Variants in THRB observed in about 807,000 individuals in gnomAD.
THRB encodes thyroid hormone receptor beta.
Under a neutral mutation model 47.8 loss-of-function variants are expected in THRB, and 12 were observed. The ratio of observed to expected loss-of-function variants is 0.25; its 90% CI spans 0.16 to 0.41. THRB has a LOEUF of 0.41. Among genes scored for constraint, THRB ranks in the 10% least tolerant of loss-of-function variants. The pLI is 1.00. For missense variants in THRB, 348 were observed against 589.2 expected (o/e 0.59, Z 4.24); for synonymous variants, 218 against 212.2 (o/e 1.03, Z -0.24).
chr3:24,302,734 T>C (rs931810936), intron 2 of THRB, among the ~76,000 whole-genome samples: 1 of 152,204 alleles, frequency 6.6e-6, no homozygotes, highest in Non-Finnish European at 1.5e-5. Context: ...TTTTTCCCCA[T>C]AGCACTTGCC....
rs376259180 is a variant in THRB, at chr3:24,423,679, A to G, written c.-261+70973T>C. 3.4e-4 allele frequency among the ~76,000 whole-genome samples: 51 copies of G among 151,994 alleles called. 2 individuals are homozygous for G. In the East Asian group the frequency reaches 5.5e-3, roughly 16 times the overall value. On this transcript the variant is annotated intron_variant, in intron 1 of 10. Coordinates refer to ENST00000646209, the MANE Select transcript of THRB (RefSeq NM_001354712.2). ...GTCCTGAGCAATTCCAAGGACAGCA[A>G]TAGTACTATACAATTGTCTGTGTAC...
chr3:24,256,577 T>C (rs1431555424), intron 3 of THRB, among the ~76,000 whole-genome samples: 1 of 152,162 alleles, frequency 6.6e-6, no homozygotes, highest in Non-Finnish European at 1.5e-5. Context: ...TAACTCATAC[T>C]GAAAGATCCT....
At chr3:24,325,431 AG>A in intron 2 of THRB, among the ~76,000 whole-genome samples, 2 of 152,390 alleles carry the variant, frequency 1.3e-5, no homozygotes, top group Non-Finnish European at 2.9e-5. Context: ...TTATGCCTGT[AG>A]TCCCAGCACT....
chr3:24,451,738 A>T (rs1024079484), intron 1 of THRB, among the ~76,000 whole-genome samples: 17 of 152,208 alleles, frequency 1.1e-4, no homozygotes, highest in Admixed American at 1.1e-3. Context: ...TCTCCCTGAT[A>T]GTCATTTAGG....
rs186198445 is a variant in THRB at position 24,335,807 on chromosome 3, T to A, written c.-189+1493A>T. ...TTTCAGCATTTATAGAAATCTCTTC[T>A]TAGTTTCCTTATCTGTAAATTGAGG... On this transcript the variant is annotated intron_variant, in intron 2 of 10. Coordinates refer to ENST00000646209, the MANE Select transcript of THRB (RefSeq NM_001354712.2). 3.1e-4 allele frequency among the ~76,000 whole-genome samples: 47 copies of A among 152,352 alleles called. No homozygotes were observed. The South Asian group carries it at 7.0e-3, about 23-fold the overall frequency.
intron 1 of THRB, among the ~76,000 whole-genome samples, chr3:24,410,795 T>C (rs939628459): frequency 6.6e-6 from 1 of 151,884 alleles, no homozygotes; most frequent in African/African-American, 2.4e-5. Flanking sequence ...AAACTGCAGC[T>C]ATCCTATTTG....
intron 1 of THRB, among the ~76,000 whole-genome samples, chr3:24,410,939 G>T (rs190615338): frequency 6.6e-6 from 1 of 151,802 alleles, no homozygotes; most frequent in African/African-American, 2.4e-5. Context: ...ATATAATGCG[G>T]ATGGTTCATC....
intron 8 of THRB, among the ~76,000 whole-genome samples, chr3:24,135,847 A>ATATATATATATATATATAAATT (rs371175625): frequency 1.6e-4 from 21 of 130,998 alleles, no homozygotes; most frequent in African/African-American, 4.8e-4. Context: ...ATATATATAT[A>ATATATATATATATATATAAATT]ATACATAAAT....
chr3:24,129,178 A>G (rs564764175), intron 9 of THRB, among the ~76,000 whole-genome samples: 45 of 152,162 alleles, frequency 3.0e-4, no homozygotes, highest in Non-Finnish European at 6.0e-4. Flanking sequence ...GAATCCATAC[A>G]TATGAATTCT....
At chr3:24,327,518 T>C (rs899941875) in intron 2 of THRB, among the ~76,000 whole-genome samples, 1 of 152,232 alleles carries the variant, frequency 6.6e-6, no homozygotes, top group Non-Finnish European at 1.5e-5. Flanking sequence ...AATATTCACT[T>C]AACCAATAGA....
chr3:24,397,634 A>C (rs916516128), intron 1 of THRB, among the ~76,000 whole-genome samples: 5 of 141,376 alleles, frequency 3.5e-5, no homozygotes, highest in Non-Finnish European at 7.5e-5. Context: ...AGAGTGTCAC[A>C]CTGTCGCCCA....
At chr3:24,287,922 T>C (rs918381461) in intron 3 of THRB, among the ~76,000 whole-genome samples, 5 of 152,240 alleles carry the variant, frequency 3.3e-5, no homozygotes, top group African/African-American at 4.8e-5. Flanking sequence ...CTCATATAAA[T>C]AGTGAACACT....
chr3:24,245,424 C>A (rs549973702), intron 3 of THRB, among the ~76,000 whole-genome samples: 3 of 152,236 alleles, frequency 2.0e-5, no homozygotes, highest in East Asian at 1.9e-4. Context: ...GTAGAGAAGA[C>A]GGGATGTGCA....
intron 3 of THRB, among the ~76,000 whole-genome samples, chr3:24,279,024 T>G (rs1273413181): frequency 6.6e-6 from 1 of 152,090 alleles, no homozygotes; most frequent in African/African-American, 2.4e-5. Flanking sequence ...TTTAAATGTT[T>G]CATAGAGATG....
chr3:24,378,903 C>T (rs2065490150), intron 1 of THRB, among the ~76,000 whole-genome samples: 1 of 151,996 alleles, frequency 6.6e-6, no homozygotes, highest in Non-Finnish European at 1.5e-5. Context: ...CAAAATCCAG[C>T]AACTCAAATA....
At chr3:24,381,642 G>A (rs1272994860) in intron 1 of THRB, among the ~76,000 whole-genome samples, 1 of 152,096 alleles carries the variant, frequency 6.6e-6, no homozygotes, top group Non-Finnish European at 1.5e-5. Flanking sequence ...ATATGACCTT[G>A]TCTTTAAAAA....
chr3:24,441,266 C>T (rs995263997), intron 1 of THRB, among the ~76,000 whole-genome samples: 8 of 152,020 alleles, frequency 5.3e-5, no homozygotes, highest in African/African-American at 1.2e-4. Context: ...CAGTCAAGGG[C>T]GTGATTATCA....
intron 1 of THRB, among the ~76,000 whole-genome samples, chr3:24,394,827 G>A (rs1447260202): frequency 6.6e-6 from 1 of 152,030 alleles, no homozygotes; most frequent in African/African-American, 2.4e-5. Flanking sequence ...ATTCCTAAGT[G>A]TCCCCCTGCA....
At chr3:24,278,965 C>A (rs2054227650) in intron 3 of THRB, among the ~76,000 whole-genome samples, 1 of 152,142 alleles carries the variant, frequency 6.6e-6, no homozygotes, top group Non-Finnish European at 1.5e-5. Context: ...CCCCCTCAGC[C>A]TCCCAAGTAG....
Sources: gnomAD v4.1 joint callset for allele counts (sites outside exome capture counted in the v4.1 genomes callset) on GRCh38, gnomAD v4.1.1 for gene constraint, MANE v1.5 for transcripts, NCBI Gene and HGNC (gene_info 2026-07-23, HGNC 2026-07-21) for gene names.